The following ALMS1 variants were observed in gnomAD, a reference collection of about 807,000 sequenced individuals.
ALMS1 encodes the protein centrosome-associated protein ALMS1.
ALMS1 carries 271 observed loss-of-function variants against 352.2 expected under a neutral mutation model. The observed-to-expected ratio is 0.77, with a 90% confidence interval of 0.70 to 0.85. The LOEUF is 0.85. Among genes scored for constraint, ALMS1 ranks in the 40% least tolerant of loss-of-function variants. The probability of loss-of-function intolerance (pLI) is 0.00; values close to 1 mark genes in which losing one functional copy is unlikely to be tolerated. For missense variants in ALMS1, 5,445 were observed against 4,870.7 expected (o/e 1.12, Z -3.51); for synonymous variants, 1,865 against 1,761.2 (o/e 1.06, Z -1.48).
At chr2:73,463,302 C>G (rs1031623385) in intron 9 of ALMS1, among the ~76,000 whole-genome samples, 3 of 152,230 alleles carry the variant, frequency 2.0e-5, no homozygotes, top group African/African-American at 4.8e-5. Flanking sequence ...GAATCTCACT[C>G]AAAACCGCTC....
At chr2:73,467,736 A>G (rs1217438676) in intron 9 of ALMS1, among the ~76,000 whole-genome samples, 1 of 152,104 alleles carries the variant, frequency 6.6e-6, no homozygotes, top group Non-Finnish European at 1.5e-5. Context: ...TTATTCATCC[A>G]GTGAAATCCT....
intron 9 of ALMS1, among the ~76,000 whole-genome samples, chr2:73,464,086 C>T (rs557785690): frequency 6.6e-6 from 1 of 152,330 alleles, no homozygotes; most frequent in East Asian, 1.9e-4. Context: ...TCCTCCCTAA[C>T]TCATTTTATG....
chr2:73,449,804 C>T lies in ALMS1; in HGVS notation c.3277C>T (p.Pro1093Ser), dbSNP rs1397140263. ...ADQMTDTPAV[P>S]STFYSQREKP... ...CCAGATGACTGACACACCAGCAGTA[C>T]CGTCTACTTTCTACTCACAAAGAGA... The change falls in exon 8 of 23, where the codon CCG becomes TCG. Residue 1093 changes from proline to serine, a missense_variant. Physicochemically the swap from Pro to Ser is moderately conservative, Grantham distance 74. Coordinates refer to ENST00000613296, the MANE Select transcript of ALMS1 (RefSeq NM_001378454.1). 4 of 1,613,964 alleles carry T rather than the reference C, an allele frequency of 2.5e-6. No homozygotes were observed. The highest frequency in any genetic ancestry group is 1.3e-5 in the African/African-American group (1 of 74,990).
In ALMS1 at chr2:73,442,746, A is replaced by C. The variant is rs184845432; in HGVS notation, c.1433-5214A>C. 7.2e-5 allele frequency among the ~76,000 whole-genome samples: 11 copies of C among 152,298 alleles called. No homozygotes were observed. In the East Asian group the frequency reaches 1.9e-3, roughly 27 times the overall value. ...AAAGGATTTTAACTTCTTCCTAGGT[A>C]ATATCAACACCCAGGGCTTCAGTTA... On this transcript the variant is annotated intron_variant, in intron 7 of 22. Transcript: ENST00000613296.
chr2:73,417,747 G>A (rs1294966906), intron 2 of ALMS1, among the ~76,000 whole-genome samples: 2 of 152,088 alleles, frequency 1.3e-5, no homozygotes, highest in Non-Finnish European at 2.9e-5. Flanking sequence ...AGCTAATTTA[G>A]TGTTCATTTC....
chr2:73,478,182 G>A (rs1479177081), intron 9 of ALMS1, among the ~76,000 whole-genome samples: 1 of 152,046 alleles, frequency 6.6e-6, no homozygotes, highest in Non-Finnish European at 1.5e-5. Context: ...AAACGTATTG[G>A]GTTTTGTTGA....
At chr2:73,570,343 C>T (rs1054242825) in intron 15 of ALMS1, among the ~76,000 whole-genome samples, 2 of 152,114 alleles carry the variant, frequency 1.3e-5, no homozygotes, top group Non-Finnish European at 2.9e-5. Context: ...CTAAAAGCCA[C>T]AGGGAGAGAT....
chr2:73,519,052 C>G (rs752213255), intron 10 of ALMS1, among the ~76,000 whole-genome samples: 63 of 152,164 alleles, frequency 4.1e-4, no homozygotes, highest in Non-Finnish European at 8.4e-4. Context: ...CACATCATCA[C>G]TGGTGATGTT....
At chr2:73,392,005 G>A (rs1268940287) in intron 1 of ALMS1, among the ~76,000 whole-genome samples, 4 of 152,014 alleles carry the variant, frequency 2.6e-5, no homozygotes, top group Non-Finnish European at 5.9e-5. Flanking sequence ...TAATTTTAAT[G>A]GAGTGCTACA....
chr2:73,446,101 C>T (rs1243111439), intron 7 of ALMS1, among the ~76,000 whole-genome samples: 5 of 152,154 alleles, frequency 3.3e-5, no homozygotes, highest in African/African-American at 7.2e-5. Flanking sequence ...TCTTTAACAT[C>T]GTGCATCTCC....
At chr2:73,503,413 A>G (rs1257551799) in intron 10 of ALMS1, among the ~76,000 whole-genome samples, 2 of 152,108 alleles carry the variant, frequency 1.3e-5, no homozygotes, top group South Asian at 2.1e-4. Context: ...CCATGTCCCT[A>G]CAAAGGACAT....
chr2:73,514,463 T>A (rs937242260), intron 10 of ALMS1, among the ~76,000 whole-genome samples: 1 of 152,170 alleles, frequency 6.6e-6, no homozygotes. Flanking sequence ...CTCCTATTTG[T>A]GCTTTTGTTG....
intron 3 of ALMS1, among the ~76,000 whole-genome samples, chr2:73,420,013 G>A (rs1405002193): frequency 6.6e-6 from 1 of 152,148 alleles, no homozygotes; most frequent in African/African-American, 2.4e-5. Context: ...CTATGATGTG[G>A]ATTATTAAAG....
chr2:73,495,565 A>C (rs1673086366), intron 10 of ALMS1, among the ~76,000 whole-genome samples: 1 of 152,160 alleles, frequency 6.6e-6, no homozygotes, highest in African/African-American at 2.4e-5. Context: ...GAAGGGAGGA[A>C]GGAGTACAGT....
intron 7 of ALMS1, among the ~76,000 whole-genome samples, chr2:73,443,625 G>A (rs755386138): frequency 2.0e-4 from 31 of 152,078 alleles, no homozygotes; most frequent in Non-Finnish European, 3.7e-4. Flanking sequence ...TAAGCTCTTT[G>A]AGGGTAGAGC....
At chr2:73,605,128 GT>G (rs1353892759) in intron 21 of ALMS1, among the ~76,000 whole-genome samples, 1 of 152,178 alleles carries the variant, frequency 6.6e-6, no homozygotes, top group African/African-American at 2.4e-5. Flanking sequence ...TCTGACTTGT[GT>G]TTGTAGCAGA....
chr2:73,603,932 A>T (rs142769695), intron 21 of ALMS1: 5 of 152,840 alleles, frequency 3.3e-5, no homozygotes, highest in African/African-American at 1.2e-4. Context: ...TTATTCTAGC[A>T]ATCCCATTTC....
In ALMS1 at chr2:73,489,879, C is replaced by G; in HGVS notation, c.7920C>G (p.Phe2640Leu). Residue 2640 changes from phenylalanine to leucine, a missense_variant, in exon 10 of 23, where the codon TTC becomes TTG. Phe to Leu is a conservative substitution (Grantham distance 22, BLOSUM62 0). Coordinates refer to ENST00000613296, the MANE Select transcript of ALMS1 (RefSeq NM_001378454.1). The part of the protein sequence containing the change: ...SASLDQNNSH[F>L]KVWNSLQLKS... ...CCTTAGACCAGAACAACTCCCATTT[C>G]AAAGTTTGGAATTCCTTGCAGTTAA... 3.1e-6 allele frequency: 5 copies of G among 1,614,168 alleles called. No homozygotes were observed. The highest frequency in any genetic ancestry group is 4.2e-6 in the Non-Finnish European group (5 of 1,180,016).
intron 9 of ALMS1, among the ~76,000 whole-genome samples, chr2:73,485,945 G>A (rs13392872): frequency 0.26 from 39,305 of 151,508 alleles, 5,604 homozygotes; most frequent in African/African-American, 0.38. Flanking sequence ...CACACGGTGC[G>A]CGCACCCACT....
Sources: gnomAD v4.1 joint callset for allele counts (sites outside exome capture counted in the v4.1 genomes callset) on GRCh38, gnomAD v4.1.1 for gene constraint, MANE v1.5 for transcripts, NCBI Gene and HGNC (gene_info 2026-07-23, HGNC 2026-07-21) for gene names.